ANKRD45: variants seen among roughly 807,000 people sequenced by gnomAD.
The protein encoded by ANKRD45 is ankyrin repeat domain 45.
In ANKRD45, 21 loss-of-function variants were observed where a neutral mutation model predicts 28.1. The observed-to-expected ratio is 0.75, with a 90% CI of 0.53 to 1.08. The LOEUF (loss-of-function observed/expected upper bound fraction) is 1.08. ANKRD45 is among the 50% of genes least tolerant of loss of function. The pLI, the probability that ANKRD45 is intolerant of heterozygous loss-of-function variation, is 0.00. For synonymous variants in ANKRD45, 86 were observed against 103.9 expected, an observed-to-expected ratio of 0.83 and a Z score of 1.05; for missense variants, 261 against 308.7, an observed-to-expected ratio of 0.85 and a Z score of 1.16.
chr1:173,644,452 T>C (rs543709689), intron 3 of ANKRD45, among the ~76,000 whole-genome samples: 1 of 152,344 alleles, frequency 6.6e-6, no homozygotes, highest in African/African-American at 2.4e-5. Flanking sequence ...ATTTAATCAT[T>C]GATCTGGAAA....
At chr1:173,705,044 G>T in the ANKRD45 span, among the ~76,000 whole-genome samples, 1 of 152,204 alleles carries the variant, frequency 6.6e-6, no homozygotes, top group Non-Finnish European at 1.5e-5. Flanking sequence ...GGCTGTCCCA[G>T]AGAGGGAGTG....
intron 5 of ANKRD45, among the ~76,000 whole-genome samples, chr1:173,611,612 C>G (rs991856084): frequency 7.3e-6 from 1 of 137,612 alleles, no homozygotes; most frequent in Non-Finnish European, 1.6e-5. Context: ...CACACACACA[C>G]ACACACACAA....
chr1:173,689,458 TTC>T, the ANKRD45 span, among the ~76,000 whole-genome samples: 1 of 152,190 alleles, frequency 6.6e-6, no homozygotes, highest in Non-Finnish European at 1.5e-5. Flanking sequence ...CATGTATACT[TTC>T]TGAGCTTCCC....
the ANKRD45 span, among the ~76,000 whole-genome samples, chr1:173,687,011 T>G: frequency 6.6e-6 from 1 of 152,182 alleles, no homozygotes; most frequent in East Asian, 1.9e-4. Context: ...TAATGTCCAG[T>G]TCACAGAAAA....
intron 2 of ANKRD45, among the ~76,000 whole-genome samples, chr1:173,650,450 C>T (rs927061808): frequency 6.6e-6 from 1 of 152,188 alleles, no homozygotes; most frequent in African/African-American, 2.4e-5. Flanking sequence ...TTTATGGCTG[C>T]AGAGCATTCC....
chr1:173,639,672 G>C (rs1042311614), intron 3 of ANKRD45, among the ~76,000 whole-genome samples: 1 of 152,162 alleles, frequency 6.6e-6, no homozygotes, highest in Non-Finnish European at 1.5e-5. Flanking sequence ...ACCTCCAAGG[G>C]GGAGGGATCC....
chr1:173,639,641 C>T (rs1044142058), intron 3 of ANKRD45, among the ~76,000 whole-genome samples: 2 of 152,126 alleles, frequency 1.3e-5, no homozygotes, highest in African/African-American at 4.8e-5. Context: ...AGAAAACCAA[C>T]AAACAAGTCA....
intron 3 of ANKRD45, chr1:173,635,928 T>G: frequency 5.8e-6 from 6 of 1,031,064 alleles, no homozygotes; most frequent in South Asian, 1.7e-5. Context: ...TGAGAGAGGG[T>G]ACCGTGTTTT....
upstream of ANKRD45, among the ~76,000 whole-genome samples, chr1:173,674,144 G>A (rs1558154008): frequency 6.6e-6 from 1 of 152,074 alleles, no homozygotes. Flanking sequence ...CAAATAGCTG[G>A]GACTACAGGC....
At chr1:173,672,165 A>C (rs572100253), upstream of ANKRD45, among the ~76,000 whole-genome samples, 5 of 152,250 alleles carry the variant, frequency 3.3e-5, no homozygotes, top group East Asian at 5.8e-4. Context: ...TACAAGAATA[A>C]ATTTGAATTT....
chr1:173,628,645 T>C (rs544905033), intron 3 of ANKRD45, among the ~76,000 whole-genome samples: 14 of 152,216 alleles, frequency 9.2e-5, no homozygotes, highest in East Asian at 1.9e-4. Context: ...ATTCCTAAGG[T>C]TCTTGACTCC....
the ANKRD45 span, among the ~76,000 whole-genome samples, chr1:173,679,860 A>G: frequency 6.6e-6 from 1 of 152,082 alleles, no homozygotes; most frequent in African/African-American, 2.4e-5. Context: ...AAGCAAAACA[A>G]CCCCATCAGT....
At chr1:173,639,528 A>C (rs1359648348) in intron 3 of ANKRD45, among the ~76,000 whole-genome samples, 1 of 152,250 alleles carries the variant, frequency 6.6e-6, no homozygotes, top group East Asian at 1.9e-4. Context: ...ATGTTATCCA[A>C]ACCTCTCATA....
the ANKRD45 span, chr1:173,714,819 G>A: frequency 6.6e-6 from 1 of 152,226 alleles, no homozygotes; most frequent in Non-Finnish European, 1.5e-5. Flanking sequence ...CAACCTCTGA[G>A]GTTACCTGAA....
At chr1:173,651,113 G>A (rs555923715) in intron 2 of ANKRD45, among the ~76,000 whole-genome samples, 12 of 152,164 alleles carry the variant, frequency 7.9e-5, no homozygotes, top group South Asian at 6.2e-4. Context: ...ACTGTTTGTC[G>A]ATTTGGGCTT....
intron 5 of ANKRD45, among the ~76,000 whole-genome samples, chr1:173,612,319 A>AAGGAAG (rs1667197555): frequency 3.8e-5 from 5 of 130,328 alleles, no homozygotes; most frequent in East Asian, 2.4e-4. Context: ...AAGGAAGGAA[A>AAGGAAG]GAAGGAAGGA....
At chr1:173,700,636 T>C in the ANKRD45 span, among the ~76,000 whole-genome samples, 19 of 152,192 alleles carry the variant, frequency 1.2e-4, no homozygotes, top group Admixed American at 3.9e-4. Context: ...AACCTGAAAC[T>C]GGATCCCTTC....
Position 173,610,000 on chromosome 1 carries a change from G to T in ANKRD45, c.*145C>A. The stretch of plus-strand genomic sequence containing the variant: ...GCCAGAGTCCGGACATAAGCATGCT[G>T]AACAGGTCAAACAAAACAAGGGCGA... On this transcript the variant is annotated 3_prime_UTR_variant, in exon 6 of 6. Coordinates refer to ENST00000333279, the MANE Select transcript of ANKRD45 (RefSeq NM_198493.3). 1 of 807,390 alleles carries T rather than the reference G, an allele frequency of 1.2e-6. No individual in the cohort carries two copies. The highest frequency in any genetic ancestry group is 2.0e-6 in the Non-Finnish European group (1 of 498,568). 50.0% of individuals were successfully genotyped at this position (807,390 alleles called of 1,614,324 possible). A position where few individuals can be genotyped will look rare whatever the true frequency, so the allele number is the denominator to read the frequency against.
the ANKRD45 span, among the ~76,000 whole-genome samples, chr1:173,690,559 G>A: frequency 2.6e-5 from 4 of 152,228 alleles, 1 homozygote; most frequent in African/African-American, 9.6e-5. Context: ...TAACATATCA[G>A]ATTAGAAACT....
Sources: gnomAD v4.1 joint callset for allele counts (sites outside exome capture counted in the v4.1 genomes callset) on GRCh38, gnomAD v4.1.1 for gene constraint, MANE v1.5 for transcripts, NCBI Gene and HGNC (gene_info 2026-07-23, HGNC 2026-07-21) for gene names.